The following SLC7A9 variants were observed in gnomAD, a reference collection of about 807,000 sequenced individuals.
SLC7A9 encodes the protein solute carrier family 7 member 9.
Under a neutral mutation model 54.1 loss-of-function variants are expected in SLC7A9, and 38 were observed. The observed-to-expected ratio is 0.70, with a 90% CI of 0.54 to 0.92. The LOEUF (loss-of-function observed/expected upper bound fraction) is 0.92. Among genes scored for constraint, SLC7A9 ranks in the 40% least tolerant of loss-of-function variants. The pLI, the probability that SLC7A9 is intolerant of heterozygous loss-of-function variation, is 0.00. For synonymous variants in SLC7A9, 264 were observed against 258.9 expected, an observed-to-expected ratio of 1.02 and a Z score of -0.19; for missense variants, 537 against 636.1, an observed-to-expected ratio of 0.84 and a Z score of 1.68.
intron 1 of SLC7A9, 103 bp downstream of exon 1, chr19:32,869,583 G>A (rs975836303): frequency 2.0e-5 from 3 of 152,110 alleles, no homozygotes; most frequent in African/African-American, 7.2e-5. Context: ...ACTGAACTAG[G>A]AGAAAACCAT....
At chr19:32,833,873 T>C (rs945965309) in intron 11 of SLC7A9, among the ~76,000 whole-genome samples, 2 of 152,194 alleles carry the variant, frequency 1.3e-5, no homozygotes, top group Non-Finnish European at 2.9e-5. Context: ...CATTGTTTCA[T>C]CAGGGTTTGC....
At chr19:32,848,657 T>C (rs1176625249) in intron 9 of SLC7A9, among the ~76,000 whole-genome samples, 2 of 152,136 alleles carry the variant, frequency 1.3e-5, no homozygotes, top group Non-Finnish European at 2.9e-5. Context: ...TACCCAGGAA[T>C]TGAACTCAGC....
At chr19:32,841,163 TAA>T (rs1968116814) in intron 11 of SLC7A9, among the ~76,000 whole-genome samples, 1 of 152,216 alleles carries the variant, frequency 6.6e-6, no homozygotes, top group Non-Finnish European at 1.5e-5. Flanking sequence ...GTCCTAAAGC[TAA>T]AGACATTGTC....
rs576483383 is a variant in SLC7A9, at chr19:32,851,927, A to C, written c.977+6513T>G. Among the ~76,000 whole-genome samples the C allele has an allele frequency of 4.4e-3, 670 of 152,208 alleles. 4 individuals are homozygous for C. The highest frequency in any genetic ancestry group is 0.015 in the African/African-American group (613 of 41,522). ...TCAGCAAACTATTGCAAGGACAAAA[A>C]ACCAAACACCGCATGTTCTCACTCA... On this transcript the variant is annotated intron_variant, in intron 9 of 12. Transcript: ENST00000023064.
intron 11 of SLC7A9, among the ~76,000 whole-genome samples, chr19:32,838,714 A>G (rs1425006820): frequency 4.1e-5 from 6 of 147,296 alleles, no homozygotes; most frequent in African/African-American, 1.2e-4. Context: ...ACTTATATGT[A>G]TATGTATTTG....
intron 9 of SLC7A9, among the ~76,000 whole-genome samples, chr19:32,847,222 A>T (rs1012059926): frequency 2.0e-5 from 3 of 152,202 alleles, no homozygotes; most frequent in African/African-American, 7.2e-5. Flanking sequence ...AAGGCTTCAG[A>T]CGGTCCAACT....
At chr19:32,847,052 A>G (rs574193734) in intron 9 of SLC7A9, among the ~76,000 whole-genome samples, 1 of 152,344 alleles carries the variant, frequency 6.6e-6, no homozygotes, top group African/African-American at 2.4e-5. Context: ...CCATCATCAA[A>G]GACCAAAAGT....
chr19:32,841,143 T>G (rs1013216109), intron 11 of SLC7A9, among the ~76,000 whole-genome samples: 2 of 152,228 alleles, frequency 1.3e-5, no homozygotes, highest in African/African-American at 4.8e-5. Flanking sequence ...GATGTATCTC[T>G]GAAAACAAAG....
rs184508456 is a variant in SLC7A9, at chr19:32,862,602, C to T, written c.479-16G>A. 6 of 1,613,318 alleles carry T rather than the reference C, an allele frequency of 3.7e-6. No individual in the cohort carries two copies. The Admixed American group carries it at 1.0e-4, about 27-fold the overall frequency. ...GAGATGAACACTGGAAGGGTGGGGACAGTTTCTGCATTTATGGTTTTCAGC... is the reference window on the plus strand; with the variant it reads ...GAGATGAACACTGGAAGGGTGGGGATAGTTTCTGCATTTATGGTTTTCAGC... On this transcript the variant is annotated splice_polypyrimidine_tract_variant and intron_variant, in intron 4 of 12. Transcript: ENST00000023064.
chr19:32,849,753 C>A (rs1428684892), intron 9 of SLC7A9, among the ~76,000 whole-genome samples: 3 of 150,198 alleles, frequency 2.0e-5, no homozygotes, highest in African/African-American at 7.3e-5. Flanking sequence ...GACCAATATC[C>A]TTGATGAACA....
At chr19:32,833,965 C>T (rs942462271) in intron 11 of SLC7A9, among the ~76,000 whole-genome samples, 1 of 152,112 alleles carries the variant, frequency 6.6e-6, no homozygotes, top group Non-Finnish European at 1.5e-5. Context: ...TCTGGTTATT[C>T]TGAATTGCAG....
intron 9 of SLC7A9, among the ~76,000 whole-genome samples, chr19:32,854,091 C>T (rs1375954559): frequency 6.6e-6 from 1 of 151,522 alleles, no homozygotes; most frequent in African/African-American, 2.4e-5. Context: ...CAGCTCACTG[C>T]AGCCTCGACC....
chr19:32,860,019 G>A, intron 7 of SLC7A9, 55 bp from the exon 8 acceptor site: 2 of 1,613,774 alleles, frequency 1.2e-6, no homozygotes, highest in Non-Finnish European at 1.7e-6. Flanking sequence ...TCCCGCGGAA[G>A]ATGGACGCCC....
intron 9 of SLC7A9, among the ~76,000 whole-genome samples, chr19:32,851,037 A>G (rs1166559986): frequency 7.2e-5 from 11 of 152,228 alleles, no homozygotes; most frequent in African/African-American, 1.2e-4. Context: ...GATGGATTAA[A>G]GACTTACATG....
At chr19:32,842,418 A>C (rs1968154114) in intron 10 of SLC7A9, 101 bp from the exon 11 acceptor site, 1 of 1,167,650 alleles carries the variant, frequency 8.6e-7, no homozygotes, top group African/African-American at 1.5e-5. Context: ...TAAACACTTT[A>C]GCATGAAACG....
Position 32,864,927 on chromosome 19 carries a change from C to G in SLC7A9, c.88-151G>C, listed in dbSNP as rs1436297574. ...CCCTGAGCGGCTGCCCTGGCAACACCGGGGCACCGCTCCCGGAGCTTTGCT... is the reference window on the plus strand; with the variant it reads ...CCCTGAGCGGCTGCCCTGGCAACACGGGGGCACCGCTCCCGGAGCTTTGCT... On this transcript the variant is annotated intron_variant, in intron 2 of 12. Transcript: ENST00000023064. 6.5e-6 allele frequency: 6 copies of G among 923,018 alleles called. No individual in the cohort carries two copies. In the South Asian group the frequency reaches 8.1e-5, roughly 13 times the overall value. The allele number at this position is 923,018 out of a possible 1,614,324, so 57.2% of individuals were successfully genotyped here. A position where few individuals can be genotyped will look rare whatever the true frequency, so the allele number is the denominator to read the frequency against.
At position 32,860,664 on chromosome 19, in the gene SLC7A9, AG is replaced by A; in HGVS notation, c.705-15del. The A allele has an allele frequency of 6.2e-7, 1 of 1,614,152 alleles. No individual in the cohort carries two copies. Among genetic ancestry groups the A allele is most frequent in the Non-Finnish European group, 8.5e-7 (1 of 1,180,012 alleles). On this transcript the variant is annotated splice_polypyrimidine_tract_variant and intron_variant, in intron 6 of 12. Transcript: ENST00000023064. ...TTGAGTTGATTCCTGGAAAAAGGAAAGTAACAAGCGTCACACACCTTGACTT... is the reference window on the plus strand; with the variant it reads ...TTGAGTTGATTCCTGGAAAAAGGAAATAACAAGCGTCACACACCTTGACTT...
intron 2 of SLC7A9, among the ~76,000 whole-genome samples, chr19:32,865,971 A>G (rs910161294): frequency 6.6e-6 from 1 of 151,950 alleles, no homozygotes; most frequent in Non-Finnish European, 1.5e-5. Context: ...AAAAAAAAAA[A>G]AAAACCTGCA....
intron 9 of SLC7A9, among the ~76,000 whole-genome samples, chr19:32,856,961 G>A (rs1476503942): frequency 6.6e-6 from 1 of 152,116 alleles, no homozygotes; most frequent in African/African-American, 2.4e-5. Flanking sequence ...GACCAGCTTG[G>A]CCAAGATGGT....
Sources: allele counts gnomAD v4.1 joint callset (sites outside exome capture counted in the v4.1 genomes callset), GRCh38; gene constraint gnomAD v4.1.1; transcripts MANE v1.5; gene names NCBI Gene and HGNC (gene_info 2026-07-23, HGNC 2026-07-21).